The following BIN2 variants were observed in gnomAD, a reference collection of about 807,000 sequenced individuals.
The protein encoded by BIN2 is breast cancer associated protein BRAP1.
Under a neutral mutation model 67.9 loss-of-function variants are expected in BIN2, and 43 were observed. That is an observed-to-expected ratio of 0.63 (90% CI 0.50 to 0.82). The LOEUF is 0.82. BIN2 is among the 40% of genes least tolerant of loss of function. The pLI is 0.00. For synonymous variants in BIN2, 244 were observed against 246.8 expected, an observed-to-expected ratio of 0.99 and a Z score of 0.11; for missense variants, 581 against 671.6, an observed-to-expected ratio of 0.87 and a Z score of 1.49.
upstream of BIN2, chr12:51,324,551 C>T (rs1398992507): frequency 1.3e-6 from 2 of 1,527,694 alleles, no homozygotes; most frequent in East Asian, 5.0e-5. Flanking sequence ...AGTATGCATG[C>T]GAAGCCGCCA....
intron 7 of BIN2, 82 bp downstream of exon 7, chr12:51,299,121 A>C (rs1945649713): frequency 1.9e-6 from 2 of 1,036,890 alleles, no homozygotes; most frequent in South Asian, 1.4e-5. Context: ...TTAAATCTAA[A>C]ACACTTTTAT....
chr12:51,323,447 G>A (rs1456462639), intron 1 of BIN2, among the ~76,000 whole-genome samples: 3 of 149,682 alleles, frequency 2.0e-5, no homozygotes, highest in Non-Finnish European at 4.4e-5. Flanking sequence ...ACTCCCCAAC[G>A]CCAAAGGGAG....
intron 1 of BIN2, among the ~76,000 whole-genome samples, chr12:51,321,359 A>G (rs1004648314): frequency 3.3e-5 from 5 of 151,686 alleles, no homozygotes; most frequent in Non-Finnish European, 7.4e-5. Flanking sequence ...GGGAGATGAC[A>G]TCGGTAGAAT....
At position 51,295,576 on chromosome 12, in the gene BIN2, AAATATATATATATATATATATAT is replaced by A. The variant is rs1359811644; in HGVS notation, c.761+197_761+219del. On this transcript the variant is annotated intron_variant, in intron 9 of 12. Coordinates refer to ENST00000615107, the MANE Select transcript of BIN2 (RefSeq NM_016293.4). ...AGACTCCGTCTCAAAAAAAAAAAAA[AAATATATATATATATATATATAT>A]ATATATATATATATATATATATATA... 2.7e-3 allele frequency among the ~76,000 whole-genome samples: 50 copies of A among 18,402 alleles called. 4 individuals are homozygous for A. Among genetic ancestry groups the A allele is most frequent in the East Asian group, 8.8e-3 (2 of 226 alleles). The allele number at this position is 18,402 out of a possible 152,430, so 12.1% of individuals were successfully genotyped here. A position where few individuals can be genotyped will look rare whatever the true frequency, so the allele number is the denominator to read the frequency against.
At chr12:51,309,857 A>T (rs543919266) in intron 2 of BIN2, among the ~76,000 whole-genome samples, 57 of 152,282 alleles carry the variant, frequency 3.7e-4, no homozygotes, top group African/African-American at 1.3e-3. Context: ...ATCTGCTCTT[A>T]GAGAGAGGAC....
At chr12:51,281,716 C>T (rs1945123272) in intron 12 of BIN2, among the ~76,000 whole-genome samples, 188 bp from the exon 13 acceptor site, 2 of 152,148 alleles carry the variant, frequency 1.3e-5, no homozygotes, top group African/African-American at 4.8e-5. Flanking sequence ...TTGTTCATTA[C>T]ATCATTCACA....
chr12:51,292,995 G>T (rs1207661627), intron 9 of BIN2, among the ~76,000 whole-genome samples: 1 of 152,054 alleles, frequency 6.6e-6, no homozygotes, highest in Non-Finnish European at 1.5e-5. Context: ...GAGTTACAAT[G>T]CTGCTGGTTG....
intron 9 of BIN2, among the ~76,000 whole-genome samples, chr12:51,293,719 A>T (rs566912294): frequency 6.6e-6 from 1 of 152,214 alleles, no homozygotes; most frequent in Non-Finnish European, 1.5e-5. Context: ...AATGGCCAAT[A>T]ACATGAAAAG....
At chr12:51,314,413 C>T (rs570612734) in intron 1 of BIN2, among the ~76,000 whole-genome samples, 72 of 152,102 alleles carry the variant, frequency 4.7e-4, no homozygotes, top group African/African-American at 1.7e-3. Context: ...AAAAAACAAT[C>T]CTGTTCTGTA....
chr12:51,292,416 T>A (rs1372285378), intron 9 of BIN2, 72 bp from the exon 10 acceptor site: 8 of 1,409,562 alleles, frequency 5.7e-6, no homozygotes, highest in Non-Finnish European at 7.6e-6. Context: ...AAACTTACGA[T>A]GCATGTAATA....
At position 51,288,237 on chromosome 12, in the gene BIN2, T is replaced by C. The variant is rs764042522; in HGVS notation, c.1516-49A>G. The C allele has an allele frequency of 3.1e-5, 46 of 1,499,792 alleles. No individual in the cohort carries two copies. The South Asian group carries it at 4.4e-4, about 14-fold the overall frequency. The allele number at this position is 1,499,792 out of a possible 1,614,324, so 92.9% of individuals were successfully genotyped here. A position where few individuals can be genotyped will look rare whatever the true frequency, so the allele number is the denominator to read the frequency against. ...AGGAGAGAGTCCCACACCTTCCACC[T>C]GGGGGCCATCCCTGTGCCCTTGGTC... is the stretch of plus-strand genomic sequence containing the variant. On this transcript the variant is annotated intron_variant, in intron 10 of 12. Transcript: ENST00000615107.
In BIN2 at chr12:51,297,097, T is replaced by C. The variant is rs1377104913; in HGVS notation, c.670A>G (p.Met224Val). 1.9e-6 allele frequency: 3 copies of C among 1,613,662 alleles called. No individual in the cohort carries two copies. Among genetic ancestry groups the C allele is most frequent in the Non-Finnish European group, 1.7e-6 (2 of 1,179,690 alleles). The change falls in exon 8 of 13, where the codon ATG becomes GTG. Residue 224 changes from methionine (M) to valine (V), a missense_variant. Physicochemically the swap from Met to Val is conservative, Grantham distance 21. Transcript: ENST00000615107. ...SNLRDVFYRE[M>V]SKLNHNLYEV... is the part of the protein sequence containing the mutation. ...GGCCAGACACCTCTCACCTTGCTCA[T>C]TTCCCTGTAGAAGACATCCCTCAAG...
chr12:51,287,365 T>G (rs1024875376), intron 11 of BIN2, among the ~76,000 whole-genome samples: 3 of 149,376 alleles, frequency 2.0e-5, no homozygotes, highest in Non-Finnish European at 4.5e-5. Context: ...AGAGTTTCAC[T>G]CTTGTTGCCC....
chr12:51,312,528 G>A (rs772134586), intron 2 of BIN2, among the ~76,000 whole-genome samples: 3 of 152,092 alleles, frequency 2.0e-5, no homozygotes, highest in Middle Eastern at 3.4e-3. Context: ...CCCTCTGTTC[G>A]TTACTTAGGT....
At chr12:51,308,909 A>T (rs1366170883) in intron 2 of BIN2, among the ~76,000 whole-genome samples, 2 of 152,134 alleles carry the variant, frequency 1.3e-5, no homozygotes, top group African/African-American at 4.8e-5. Context: ...ACTTGAGGTC[A>T]GGAGTTTGAG....
In BIN2 at chr12:51,288,158, T is replaced by C. The variant is rs1212853840; in HGVS notation, c.1546A>G (p.Met516Val). 1 of 1,614,004 alleles carries C rather than the reference T, an allele frequency of 6.2e-7. No homozygotes were observed. The highest frequency in any genetic ancestry group is 1.1e-5 in the South Asian group (1 of 91,078). Residue 516 changes from methionine (M) to valine (V), a missense_variant, in exon 11 of 13, where the codon ATG becomes GTG. Met to Val is a conservative substitution (Grantham distance 21, BLOSUM62 1). Coordinates refer to ENST00000615107, the MANE Select transcript of BIN2 (RefSeq NM_016293.4). ...VASEPGEAKK[M>V]EDKEKDNKLI... Reference sequence around the variant, plus strand: ...TTATTATCCTTTTCCTTGTCTTCCATCTTCTTTGCCTCTCCAGGCTCTGAA... The same window carrying C: ...TTATTATCCTTTTCCTTGTCTTCCACCTTCTTTGCCTCTCCAGGCTCTGAA...
chr12:51,313,346 C>CTT (rs113065315), intron 2 of BIN2, among the ~76,000 whole-genome samples: 1 of 149,522 alleles, frequency 6.7e-6, no homozygotes, highest in Non-Finnish European at 1.5e-5. Flanking sequence ...TTTATTTTTA[C>CTT]TTTTTTTTTG....
intron 2 of BIN2, among the ~76,000 whole-genome samples, chr12:51,305,411 G>A (rs1238209375): frequency 6.6e-6 from 1 of 152,138 alleles, no homozygotes; most frequent in Non-Finnish European, 1.5e-5. Flanking sequence ...GGATCACGAG[G>A]TCAGGAGCTC....
rs1347194806 is a variant in BIN2 at position 51,284,767 on chromosome 12, G to T, written c.1617C>A (p.Val539=). 3 of 1,613,672 alleles carry T rather than the reference G, an allele frequency of 1.9e-6. No homozygotes were observed. The highest frequency in any genetic ancestry group is 1.1e-5 in the South Asian group (1 of 91,062). ...NSSEGQDQLQ[V]SMVPENNNLT... Reference sequence around the variant, plus strand: ...GGTTGTTGTTTTCTGGTACCATGGAGACTTGAAGCTGGTCTTGGCCCTACA... The same window carrying T: ...GGTTGTTGTTTTCTGGTACCATGGATACTTGAAGCTGGTCTTGGCCCTACA... Residue 539 remains valine, a synonymous_variant, in exon 12 of 13, where the codon GTC becomes GTA. Coordinates refer to ENST00000615107, the MANE Select transcript of BIN2 (RefSeq NM_016293.4).
Sources: gnomAD v4.1 joint callset for allele counts (sites outside exome capture counted in the v4.1 genomes callset) on GRCh38, gnomAD v4.1.1 for gene constraint, MANE v1.5 for transcripts, NCBI Gene and HGNC (gene_info 2026-07-23, HGNC 2026-07-21) for gene names.